Variants in CCDC73 observed in about 807,000 individuals in gnomAD.
CCDC73 encodes coiled-coil domain containing 73, also known as coiled-coil domain-containing protein 73.
A neutral mutation model predicts 116.5 loss-of-function variants in CCDC73; 95 were observed. That is an observed-to-expected ratio of 0.82 (90% CI 0.69 to 0.97). The LOEUF (loss-of-function observed/expected upper bound fraction) is 0.97, where lower values mean the gene tolerates loss of function less well. CCDC73 is among the 50% of genes least tolerant of loss of function. The probability of loss-of-function intolerance (pLI) is 0.00; values close to 1 mark genes in which losing one functional copy is unlikely to be tolerated. For synonymous variants in CCDC73, 398 were observed against 401.3 expected (o/e 0.99, Z 0.10); for missense variants, 1,066 against 1,206.8 (o/e 0.88, Z 1.73).
the CCDC73 span, among the ~76,000 whole-genome samples, chr11:32,819,888 G>T: frequency 1.3e-5 from 2 of 152,090 alleles, no homozygotes; most frequent in Non-Finnish European, 2.9e-5. Flanking sequence ...AAGTTCATTT[G>T]ATAACCTGTA....
chr11:32,723,365 T>C (rs575885252), intron 2 of CCDC73, among the ~76,000 whole-genome samples: 13 of 152,330 alleles, frequency 8.5e-5, no homozygotes, highest in African/African-American at 2.9e-4. Context: ...ATATAAACTT[T>C]TAGGCTAGCC....
chr11:32,758,106 G>GT (rs1166336674), intron 2 of CCDC73, among the ~76,000 whole-genome samples: 6 of 152,140 alleles, frequency 3.9e-5, no homozygotes, highest in African/African-American at 1.4e-4. Flanking sequence ...GGGAAAAACA[G>GT]TAACAGTCTT....
rs530097146 is a variant in CCDC73, at chr11:32,708,144, C to A, written c.208-5200G>T. Among the ~76,000 whole-genome samples the A allele has an allele frequency of 1.2e-3, 184 of 152,304 alleles. 2 individuals are homozygous for A. The highest frequency in any genetic ancestry group is 2.0e-3 in the Non-Finnish European group (138 of 68,024). On this transcript the variant is annotated intron_variant, in intron 3 of 17. Coordinates refer to ENST00000335185, the MANE Select transcript of CCDC73 (RefSeq NM_001008391.4). ...TGTGGCTTGCCAATTATCCCAGCACCACTTGTTGAAAAGGATGTCCTTTCT... is the reference window on the plus strand; with the variant it reads ...TGTGGCTTGCCAATTATCCCAGCACAACTTGTTGAAAAGGATGTCCTTTCT...
intron 7 of CCDC73, chr11:32,683,007 T>C (rs974747461): frequency 6.5e-6 from 1 of 154,554 alleles, no homozygotes; most frequent in African/African-American, 2.4e-5. Context: ...AAATAAGAGG[T>C]TTTAGAGTTT....
At chr11:32,772,390 A>C (rs2419764) in intron 1 of CCDC73, among the ~76,000 whole-genome samples, 114,042 of 151,266 alleles carry the variant, frequency 0.75, 43,120 homozygotes, top group East Asian at 0.93. Flanking sequence ...AACAAAAAAA[A>C]ATGACTACCA....
intron 2 of CCDC73, among the ~76,000 whole-genome samples, chr11:32,744,852 C>T (rs1281560008): frequency 2.0e-5 from 3 of 152,140 alleles, no homozygotes; most frequent in African/African-American, 4.8e-5. Flanking sequence ...TTTCAAAAAA[C>T]CAGCTCCTGG....
At chr11:32,667,009 T>C (rs888044158) in intron 9 of CCDC73, among the ~76,000 whole-genome samples, 6 of 152,160 alleles carry the variant, frequency 3.9e-5, no homozygotes, top group Non-Finnish European at 8.8e-5. Context: ...TGCCTGATTG[T>C]TCCTCTGGAA....
At chr11:32,769,353 A>T (rs1220579852) in intron 1 of CCDC73, among the ~76,000 whole-genome samples, 1 of 152,106 alleles carries the variant, frequency 6.6e-6, no homozygotes, top group Admixed American at 6.6e-5. Context: ...GTCTGTCTGA[A>T]AAGTCTGTTT....
chr11:32,674,964 T>C (rs1483205038), intron 9 of CCDC73, among the ~76,000 whole-genome samples: 2 of 152,158 alleles, frequency 1.3e-5, no homozygotes, highest in Admixed American at 6.5e-5. Context: ...TCCTCAAATA[T>C]ACTAAACTCT....
intron 3 of CCDC73, among the ~76,000 whole-genome samples, chr11:32,712,987 G>A (rs1319410173): frequency 6.6e-6 from 1 of 151,920 alleles, no homozygotes; most frequent in Admixed American, 6.6e-5. Flanking sequence ...TTTCTAATAA[G>A]TGTTACTCAT....
At position 32,614,830 on chromosome 11, in the gene CCDC73, T is replaced by A; in HGVS notation, c.1488A>T (p.Val496=). The A allele has an allele frequency of 1.9e-6, 3 of 1,613,142 alleles. No homozygotes were observed. The highest frequency in any genetic ancestry group is 2.5e-6 in the Non-Finnish European group (3 of 1,179,412). Residue 496 remains valine, a synonymous_variant, in exon 16 of 18, where the codon GTA becomes GTT. Transcript: ENST00000335185. ...LSKTLSLDKE[V]ISQGQTSNVT... ...CATTCGAGGTTTGTCCTTGACTAAT[T>A]ACTTCTTTATCTAAGGAGAGGGTTT...
At position 32,694,209 on chromosome 11, in the gene CCDC73, C is replaced by A. The variant is rs182778508; in HGVS notation, c.390+5042G>T. On this transcript the variant is annotated intron_variant, in intron 6 of 17. Transcript: ENST00000335185. ...ATCTCCTTAAGCTGATAAGCAACTT[C>A]AGCAAAGTCTCAGGATACAAAATCA... 1.0e-2 allele frequency among the ~76,000 whole-genome samples: 1,521 copies of A among 152,300 alleles called. 28 individuals carry two copies. Among genetic ancestry groups the A allele is most frequent in the African/African-American group, 0.035 (1,439 of 41,572 alleles).
At chr11:32,634,760 A>G (rs964257183) in intron 14 of CCDC73, among the ~76,000 whole-genome samples, 1 of 152,212 alleles carries the variant, frequency 6.6e-6, no homozygotes, top group Non-Finnish European at 1.5e-5. Context: ...AGAAACCCCC[A>G]AAGTTCAACG....
chr11:32,611,596 A>G (rs201901), intron 16 of CCDC73, among the ~76,000 whole-genome samples: 65,892 of 151,996 alleles, frequency 0.43, 14,701 homozygotes, highest in African/African-American at 0.49. Context: ...TTTCCCACAC[A>G]TGTAAGCATT....
intron 2 of CCDC73, among the ~76,000 whole-genome samples, chr11:32,733,683 G>A (rs1018712552): frequency 4.6e-5 from 7 of 152,132 alleles, no homozygotes; most frequent in Admixed American, 1.3e-4. Flanking sequence ...GGTCCATAAC[G>A]AAATGAAGGC....
chr11:32,683,451 T>C, intron 7 of CCDC73, 85 bp downstream of exon 7: 1 of 880,648 alleles, frequency 1.1e-6, no homozygotes, highest in Non-Finnish European at 1.9e-6. Flanking sequence ...TTTTTCACTA[T>C]AAATGTCACA....
At chr11:32,638,280 C>A (rs1439944468) in intron 13 of CCDC73, among the ~76,000 whole-genome samples, 2 of 152,184 alleles carry the variant, frequency 1.3e-5, no homozygotes, top group African/African-American at 4.8e-5. Context: ...CACAATCTGC[C>A]TGTGTCACTT....
intron 2 of CCDC73, among the ~76,000 whole-genome samples, chr11:32,737,231 C>CTGTGTGTGTGTG (rs200606807): frequency 7.3e-6 from 1 of 137,564 alleles, no homozygotes. Context: ...CATAGTAGGG[C>CTGTGTGTGTGTG]TGTGTGTGTG....
At chr11:32,666,752 C>T (rs1203196653) in intron 9 of CCDC73, among the ~76,000 whole-genome samples, 1 of 152,218 alleles carries the variant, frequency 6.6e-6, no homozygotes, top group Non-Finnish European at 1.5e-5. Flanking sequence ...TTAGAATTTT[C>T]AGCTTTTCTG....
Sources: allele counts gnomAD v4.1 joint callset (sites outside exome capture counted in the v4.1 genomes callset), GRCh38; gene constraint gnomAD v4.1.1; transcripts MANE v1.5; gene names NCBI Gene and HGNC (gene_info 2026-07-23, HGNC 2026-07-21).